PPP3CA: variants seen among roughly 807,000 people sequenced by gnomAD.
PPP3CA encodes the protein protein phosphatase 3 catalytic subunit alpha.
In PPP3CA, 14 loss-of-function variants were observed where a neutral mutation model predicts 66.5. The observed-to-expected ratio is 0.21, with a 90% confidence interval of 0.14 to 0.33. The LOEUF is 0.33. PPP3CA is among the 10% of genes least tolerant of loss of function. The pLI, the probability that PPP3CA is intolerant of heterozygous loss-of-function variation, is 1.00. For missense variants in PPP3CA, 317 were observed against 639.5 expected (o/e 0.50, Z 5.44); for synonymous variants, 232 against 226.2 (o/e 1.03, Z -0.23).
At chr4:101,248,187 T>C (rs1726551692) in intron 1 of PPP3CA, among the ~76,000 whole-genome samples, 1 of 152,228 alleles carries the variant, frequency 6.6e-6, no homozygotes, top group Non-Finnish European at 1.5e-5. Flanking sequence ...CTTCCGTCTC[T>C]AACATCCTAT....
At chr4:101,112,964 G>A (rs1027281030) in intron 2 of PPP3CA, among the ~76,000 whole-genome samples, 3 of 152,054 alleles carry the variant, frequency 2.0e-5, no homozygotes, top group Admixed American at 6.6e-5. Context: ...TTGGGCCTAC[G>A]CTATGCTTAA....
At chr4:101,301,489 T>C (rs1728375100) in intron 1 of PPP3CA, among the ~76,000 whole-genome samples, 1 of 146,032 alleles carries the variant, frequency 6.8e-6, no homozygotes, top group Non-Finnish European at 1.5e-5. Context: ...ATATAATATA[T>C]ATGTAATTTT....
At chr4:101,033,273 G>A (rs1468078131) in intron 11 of PPP3CA, among the ~76,000 whole-genome samples, 1 of 111,080 alleles carries the variant, frequency 9.0e-6, no homozygotes, top group East Asian at 2.3e-4. Flanking sequence ...TACATACATA[G>A]AGACACACAC....
chr4:101,046,580 G>A (rs924921611), intron 10 of PPP3CA, among the ~76,000 whole-genome samples: 12 of 151,888 alleles, frequency 7.9e-5, no homozygotes, highest in African/African-American at 2.9e-4. Context: ...ATTATATTTT[G>A]CTGGTAGACT....
At chr4:101,288,194 C>T (rs1727903481) in intron 1 of PPP3CA, among the ~76,000 whole-genome samples, 1 of 152,160 alleles carries the variant, frequency 6.6e-6, no homozygotes, top group South Asian at 2.1e-4. Context: ...TTAACCTCCC[C>T]TACCAAATTA....
At chr4:101,273,587 A>C (rs1016044469) in intron 1 of PPP3CA, among the ~76,000 whole-genome samples, 1 of 152,198 alleles carries the variant, frequency 6.6e-6, no homozygotes, top group Non-Finnish European at 1.5e-5. Context: ...GGCCTCCCAA[A>C]GTGCTGGGAT....
At chr4:101,164,246 A>C (rs1578511224) in intron 2 of PPP3CA, among the ~76,000 whole-genome samples, 1 of 109,972 alleles carries the variant, frequency 9.1e-6, no homozygotes, top group Non-Finnish European at 1.7e-5. Context: ...ATCCCACCCC[A>C]TACAATTTTC....
At chr4:101,078,483 G>A (rs1381091276) in intron 8 of PPP3CA, among the ~76,000 whole-genome samples, 2 of 152,074 alleles carry the variant, frequency 1.3e-5, no homozygotes, top group Non-Finnish European at 2.9e-5. Flanking sequence ...GACCATTCTA[G>A]AAAATTATCC....
intron 1 of PPP3CA, among the ~76,000 whole-genome samples, chr4:101,324,602 C>G (rs1729154715): frequency 6.6e-6 from 1 of 151,914 alleles, no homozygotes; most frequent in Non-Finnish European, 1.5e-5. Context: ...ATTTATTTAA[C>G]AATTCTTGGT....
rs148949507 is a variant in PPP3CA, at chr4:101,301,580, C to A, written c.58+45159G>T. 6.7e-3 allele frequency among the ~76,000 whole-genome samples: 989 copies of A among 147,750 alleles called. 40 individuals carry two copies. The South Asian group carries it at 0.09, about 13-fold the overall frequency. On this transcript the variant is annotated intron_variant, in intron 1 of 13. Coordinates refer to ENST00000394854, the MANE Select transcript of PPP3CA (RefSeq NM_000944.5). Reference sequence around the variant, plus strand: ...CAATCTCAGCTCACCTCAACCTCTGCCTCCCAGGTTCAAGACATTCTCCTG... The same window carrying A: ...CAATCTCAGCTCACCTCAACCTCTGACTCCCAGGTTCAAGACATTCTCCTG...
intron 1 of PPP3CA, among the ~76,000 whole-genome samples, chr4:101,309,661 T>C (rs764914835): frequency 2.6e-5 from 4 of 152,180 alleles, no homozygotes; most frequent in Non-Finnish European, 5.9e-5. Context: ...TGTAGGGCCC[T>C]GTGAAAATTC....
At chr4:101,255,664 A>G (rs1185030991) in intron 1 of PPP3CA, among the ~76,000 whole-genome samples, 1 of 151,972 alleles carries the variant, frequency 6.6e-6, no homozygotes, top group Non-Finnish European at 1.5e-5. Context: ...GTAGTCTATT[A>G]TTTTAATGTT....
chr4:101,293,632 C>T (rs1467970251), intron 1 of PPP3CA, among the ~76,000 whole-genome samples: 1 of 152,164 alleles, frequency 6.6e-6, no homozygotes, highest in Admixed American at 6.5e-5. Context: ...GTAGAAGATG[C>T]TCCTGTTCCC....
chr4:101,065,005 G>A (rs1416990909), intron 8 of PPP3CA, among the ~76,000 whole-genome samples: 2 of 151,906 alleles, frequency 1.3e-5, no homozygotes, highest in Non-Finnish European at 2.9e-5. Context: ...AGACACTCTG[G>A]GGACAAGAAA....
rs2110235154 is a variant in PPP3CA at position 101,074,941 on chromosome 4, C to A, written c.955+5591G>T. Reference sequence around the variant, plus strand: ...AAAGATGTTTAATGGACTCACAGCTCCACATGGCTAGGGAGGCCTCACAAT... The same window carrying A: ...AAAGATGTTTAATGGACTCACAGCTACACATGGCTAGGGAGGCCTCACAAT... On this transcript the variant is annotated intron_variant, in intron 8 of 13. Coordinates refer to ENST00000394854, the MANE Select transcript of PPP3CA (RefSeq NM_000944.5). 1.3e-5 allele frequency among the ~76,000 whole-genome samples: 2 copies of A among 152,258 alleles called. 1 individual carries two copies. The highest frequency in any genetic ancestry group is 4.1e-4 in the South Asian group (2 of 4,822).
intron 1 of PPP3CA, among the ~76,000 whole-genome samples, chr4:101,302,744 A>G (rs953932037): frequency 6.6e-6 from 1 of 152,220 alleles, no homozygotes; most frequent in African/African-American, 2.4e-5. Context: ...CCAATTGAGA[A>G]AGGGAGAAAC....
chr4:101,312,579 G>A (rs549174191), intron 1 of PPP3CA, among the ~76,000 whole-genome samples: 28 of 151,966 alleles, frequency 1.8e-4, no homozygotes, highest in Admixed American at 1.2e-3. Context: ...CTGAATGGCC[G>A]TTCATTTTTC....
intron 2 of PPP3CA, among the ~76,000 whole-genome samples, chr4:101,157,779 C>T (rs1303784440): frequency 2.7e-5 from 4 of 150,544 alleles, no homozygotes; most frequent in Admixed American, 1.3e-4. Flanking sequence ...ACTCTAATTC[C>T]CTGATTTTTT....
At chr4:101,271,486 T>C (rs1210767017) in intron 1 of PPP3CA, among the ~76,000 whole-genome samples, 2 of 152,148 alleles carry the variant, frequency 1.3e-5, no homozygotes, top group African/African-American at 4.8e-5. Flanking sequence ...TAAAAGGCAG[T>C]GGGCATTAGG....
Sources: allele counts gnomAD v4.1 joint callset (sites outside exome capture counted in the v4.1 genomes callset), GRCh38; gene constraint gnomAD v4.1.1; transcripts MANE v1.5; gene names NCBI Gene and HGNC (gene_info 2026-07-23, HGNC 2026-07-21).